PDCD1LG2: variants seen among roughly 807,000 people sequenced by gnomAD.
PDCD1LG2 encodes the protein programmed cell death 1 ligand 2.
PDCD1LG2 carries 32 observed loss-of-function variants against 28.2 expected under a neutral mutation model. That is an observed-to-expected ratio of 1.13 (90% CI 0.86 to 1.52). PDCD1LG2 has a LOEUF of 1.52. PDCD1LG2 is among the 40% of genes most tolerant of loss of function. The pLI is 0.00. For missense variants in PDCD1LG2, 385 were observed against 323.8 expected (o/e 1.19, Z -1.45); for synonymous variants, 116 against 120.2 (o/e 0.97, Z 0.23).
intron 1 of PDCD1LG2, among the ~76,000 whole-genome samples, chr9:5,518,969 T>C (rs2129707571): frequency 6.6e-6 from 1 of 152,270 alleles, no homozygotes; most frequent in Admixed American, 6.5e-5. Context: ...GTGAGGCCAA[T>C]ATATCAGGAA....
rs752144828 is a variant in PDCD1LG2, at chr9:5,534,944, C to G, written c.255C>G (p.Ala85=). Residue 85 remains alanine (A), a synonymous_variant, in exon 3 of 7, where the codon GCC becomes GCG. Coordinates refer to ENST00000397747, the MANE Select transcript of PDCD1LG2 (RefSeq NM_025239.4). ...AGGAGCAGCTGCCCCTAGGGAAGGCCTCGTTCCACATACCTCAAGTCCAAG... is the reference window on the plus strand; with the variant it reads ...AGGAGCAGCTGCCCCTAGGGAAGGCGTCGTTCCACATACCTCAAGTCCAAG... The part of the protein sequence containing the change: ...LLEEQLPLGK[A]SFHIPQVQVR... 1 of 1,613,992 alleles carries G rather than the reference C, an allele frequency of 6.2e-7. No homozygotes were observed. The highest frequency in any genetic ancestry group is 8.5e-7 in the Non-Finnish European group (1 of 1,180,024).
rs549465130 is a variant in PDCD1LG2 at position 5,516,441 on chromosome 9, G to A, written c.-15+5638G>A. Among the ~76,000 whole-genome samples the A allele has an allele frequency of 5.3e-5, 8 of 152,344 alleles. No individual in the cohort carries two copies. In the South Asian group the frequency reaches 8.3e-4, roughly 16 times the overall value. On this transcript the variant is annotated intron_variant, in intron 1 of 6. Coordinates refer to ENST00000397747, the MANE Select transcript of PDCD1LG2 (RefSeq NM_025239.4). Reference sequence around the variant, plus strand: ...GAAGGGCCCAGAAAAAGCACTGTAAGTTCTTACCCCAGGCTGTGGACTCCA... The same window carrying A: ...GAAGGGCCCAGAAAAAGCACTGTAAATTCTTACCCCAGGCTGTGGACTCCA...
At chr9:5,513,730 C>G (rs886425675) in intron 1 of PDCD1LG2, among the ~76,000 whole-genome samples, 1 of 152,142 alleles carries the variant, frequency 6.6e-6, no homozygotes, top group Non-Finnish European at 1.5e-5. Context: ...ACTCATATAC[C>G]TATGACAGCA....
rs756698756 is a variant in PDCD1LG2, at chr9:5,557,589, C to T, written c.632-29C>T. 7.4e-6 allele frequency: 12 copies of T among 1,613,238 alleles called. No homozygotes were observed. In the South Asian group the frequency reaches 1.2e-4, roughly 16 times the overall value. On this transcript the variant is annotated intron_variant, in intron 4 of 6. Coordinates refer to ENST00000397747, the MANE Select transcript of PDCD1LG2 (RefSeq NM_025239.4). ...GGTCTACCTCTTAGTTGCCATGTAA[C>T]AGGATTCTGGTGCTTTTCCTTTGCC...
At chr9:5,522,225 C>G (rs750130507) in intron 1 of PDCD1LG2, among the ~76,000 whole-genome samples, 1 of 152,200 alleles carries the variant, frequency 6.6e-6, no homozygotes, top group Non-Finnish European at 1.5e-5. Flanking sequence ...CTATGGAAAG[C>G]TTCATGAGAC....
At chr9:5,521,517 C>G (rs530937225) in intron 1 of PDCD1LG2, among the ~76,000 whole-genome samples, 2 of 152,086 alleles carry the variant, frequency 1.3e-5, no homozygotes, top group Non-Finnish European at 2.9e-5. Flanking sequence ...CTACTAGCCC[C>G]TCTACTCTAA....
chr9:5,517,449 T>TCC (rs1820189538), intron 1 of PDCD1LG2, among the ~76,000 whole-genome samples: 2 of 152,290 alleles, frequency 1.3e-5, no homozygotes, highest in South Asian at 2.1e-4. Flanking sequence ...GCGAACACCT[T>TCC]ACTCTCGGGG....
At chr9:5,540,160 T>C (rs772823060) in intron 3 of PDCD1LG2, among the ~76,000 whole-genome samples, 26 of 152,162 alleles carry the variant, frequency 1.7e-4, no homozygotes, top group East Asian at 9.6e-4. Flanking sequence ...GAAATCAAGA[T>C]AGAAATTTAA....
chr9:5,520,458 TA>T (rs1820251875), intron 1 of PDCD1LG2, among the ~76,000 whole-genome samples: 1 of 152,218 alleles, frequency 6.6e-6, no homozygotes, highest in African/African-American at 2.4e-5. Flanking sequence ...AATTTTTGTA[TA>T]TGGTATGAGG....
chr9:5,562,111 C>T (rs960187422), intron 5 of PDCD1LG2, among the ~76,000 whole-genome samples: 4 of 152,096 alleles, frequency 2.6e-5, no homozygotes, highest in Non-Finnish European at 5.9e-5. Flanking sequence ...ATTTCAGGAA[C>T]CCAGGCAATG....
chr9:5,557,907 A>C (rs887673360), intron 5 of PDCD1LG2, among the ~76,000 whole-genome samples, 155 bp downstream of exon 5: 2 of 152,202 alleles, frequency 1.3e-5, no homozygotes, highest in African/African-American at 4.8e-5. Context: ...ATTTTTCCCC[A>C]GAAGAAAATG....
intron 2 of PDCD1LG2, among the ~76,000 whole-genome samples, chr9:5,530,890 C>T (rs192135376): frequency 6.6e-6 from 1 of 152,308 alleles, no homozygotes; most frequent in Admixed American, 6.5e-5. Flanking sequence ...GATCCTGATT[C>T]CCTAGGTCTG....
Position 5,556,700 on chromosome 9 carries a change from T to C in PDCD1LG2, c.632-918T>C, listed in dbSNP as rs75310706. Among the ~76,000 whole-genome samples, 128 of 152,320 alleles carry C rather than the reference T, an allele frequency of 8.4e-4. 1 individual carries two copies. In the East Asian group the frequency reaches 0.019, roughly 23 times the overall value. On this transcript the variant is annotated intron_variant, in intron 4 of 6. Coordinates refer to ENST00000397747, the MANE Select transcript of PDCD1LG2 (RefSeq NM_025239.4). ...CCCGCTGAGCAGTTTCGTCCAGTTTTTCCTGTACCAGCCTGTCATGTTTAT... is the reference window on the plus strand; with the variant it reads ...CCCGCTGAGCAGTTTCGTCCAGTTTCTCCTGTACCAGCCTGTCATGTTTAT...
At chr9:5,534,404 G>C (rs925507977) in intron 2 of PDCD1LG2, among the ~76,000 whole-genome samples, 1 of 152,200 alleles carries the variant, frequency 6.6e-6, no homozygotes, top group Non-Finnish European at 1.5e-5. Context: ...AATGACTGCA[G>C]GGCTTGGGGG....
At chr9:5,565,471 A>G (rs1452805378) in intron 6 of PDCD1LG2, among the ~76,000 whole-genome samples, 2 of 152,236 alleles carry the variant, frequency 1.3e-5, no homozygotes, top group African/African-American at 4.8e-5. Context: ...GGCGTAAGCC[A>G]CTGTGCCCAG....
chr9:5,557,828 T>C (rs2129923841), intron 5 of PDCD1LG2, 76 bp downstream of exon 5: 5 of 1,530,230 alleles, frequency 3.3e-6, no homozygotes, highest in Non-Finnish European at 4.5e-6. Context: ...ACTGCAGGCC[T>C]ATGGCTTGCT....
chr9:5,539,160 T>C (rs1008834795), intron 3 of PDCD1LG2, among the ~76,000 whole-genome samples: 7 of 152,326 alleles, frequency 4.6e-5, no homozygotes, highest in Non-Finnish European at 7.4e-5. Context: ...CTGAACATTA[T>C]ATGTTTTTCC....
At chr9:5,538,553 T>G (rs1184342451) in intron 3 of PDCD1LG2, among the ~76,000 whole-genome samples, 1 of 152,090 alleles carries the variant, frequency 6.6e-6, no homozygotes, top group African/African-American at 2.4e-5. Flanking sequence ...CCGGGCGCGG[T>G]GGCGGGCGCC....
At chr9:5,523,893 C>G (rs1434108643) in intron 2 of PDCD1LG2, among the ~76,000 whole-genome samples, 1 of 152,116 alleles carries the variant, frequency 6.6e-6, no homozygotes, top group East Asian at 1.9e-4. Flanking sequence ...TGCCTTTTCT[C>G]TTAGGAAAGG....
Sources: allele counts gnomAD v4.1 joint callset (sites outside exome capture counted in the v4.1 genomes callset), GRCh38; gene constraint gnomAD v4.1.1; transcripts MANE v1.5; gene names NCBI Gene and HGNC (gene_info 2026-07-23, HGNC 2026-07-21).